The following FBXL18 variants were observed in gnomAD, a reference collection of about 807,000 sequenced individuals.
FBXL18 encodes the protein F-box and leucine rich repeat protein 18.
FBXL18 carries 36 observed loss-of-function variants against 46.0 expected under a neutral mutation model. The observed-to-expected ratio is 0.78, with a 90% CI of 0.60 to 1.03. The LOEUF is 1.03. FBXL18 is among the 50% of genes least tolerant of loss of function. The probability of loss-of-function intolerance (pLI) is 0.00; values close to 1 mark genes in which losing one functional copy is unlikely to be tolerated. For synonymous variants in FBXL18, 557 were observed against 465.3 expected, an observed-to-expected ratio of 1.20 and a Z score of -2.54; for missense variants, 977 against 1,004.1, an observed-to-expected ratio of 0.97 and a Z score of 0.36.
In FBXL18 at chr7:5,491,234, C is replaced by T. The variant is rs372910000; in HGVS notation, c.1997G>A (p.Arg666His). 5.0e-6 allele frequency: 8 copies of T among 1,609,962 alleles called. No individual in the cohort carries two copies. The highest frequency in any genetic ancestry group is 4.0e-5 in the African/African-American group (3 of 74,810). The change falls in exon 4 of 5, where the codon CGC becomes CAC. Residue 666 changes from arginine (R) to histidine (H), a missense_variant. By Grantham distance (29) the Arg-to-His change is conservative. Transcript: ENST00000382368. ...TCKSLQQSLLRSFQAERPALN... is the reference protein window; with the variant it reads ...TCKSLQQSLLHSFQAERPALN... ...GTACGCAACCCACATCACTCACCTG[C>T]GGAGAAGCGACTGCTGCAGGCTCTT...
chr7:5,504,629 T>C (rs1784347242), intron 2 of FBXL18, among the ~76,000 whole-genome samples: 1 of 138,154 alleles, frequency 7.2e-6, no homozygotes, highest in Non-Finnish European at 1.6e-5. Context: ...TAAGATTCAT[T>C]ACCAGGCCGG....
chr7:5,470,071 A>G (rs1416627223), intron 4 of FBXL18, among the ~76,000 whole-genome samples: 1 of 152,074 alleles, frequency 6.6e-6, no homozygotes, highest in Non-Finnish European at 1.5e-5. Context: ...TGCGTGTGCC[A>G]GTCTGCGGGC....
At chr7:5,484,069 C>G (rs1783713154) in intron 4 of FBXL18, among the ~76,000 whole-genome samples, 1 of 152,156 alleles carries the variant, frequency 6.6e-6, no homozygotes, top group Admixed American at 6.5e-5. Context: ...CCGTGAACAC[C>G]ACGGGTCATG....
downstream of FBXL18, among the ~76,000 whole-genome samples, chr7:5,472,187 G>A (rs1783437347): frequency 6.6e-6 from 1 of 151,964 alleles, no homozygotes; most frequent in African/African-American, 2.4e-5. Context: ...TACACCCCCA[G>A]CACGCCCCTC....
chr7:5,507,599 G>T (rs1784423402), intron 1 of FBXL18, among the ~76,000 whole-genome samples: 1 of 152,134 alleles, frequency 6.6e-6, no homozygotes, highest in Non-Finnish European at 1.5e-5. Flanking sequence ...AGTTTGGGAG[G>T]CCGAGGCGGG....
At chr7:5,500,297 G>A (rs528284601) in intron 3 of FBXL18, among the ~76,000 whole-genome samples, 191 bp downstream of exon 3, 11 of 152,008 alleles carry the variant, frequency 7.2e-5, no homozygotes, top group African/African-American at 2.7e-4. Context: ...TCAGACATCC[G>A]CCTCCTGCAC....
In FBXL18 at chr7:5,497,201, A is replaced by T. The variant is rs183076065; in HGVS notation, c.1781+3287T>A. Among the ~76,000 whole-genome samples the T allele has an allele frequency of 3.4e-3, 494 of 146,780 alleles. 6 individuals carry two copies. Among genetic ancestry groups the T allele is most frequent in the African/African-American group, 1.0e-2 (403 of 40,314 alleles). On this transcript the variant is annotated intron_variant, in intron 3 of 4. Coordinates refer to ENST00000382368, the MANE Select transcript of FBXL18 (RefSeq NM_024963.6). The stretch of plus-strand genomic sequence containing the variant: ...TGGGAGACAGAATGAGACCATTTTT[A>T]AAAAAAAAAAGTGGGAAAGCCCAAA...
chr7:5,481,717 T>A lies in FBXL18; in HGVS notation c.*58A>T, dbSNP rs569402291. 1.3e-6 allele frequency: 2 copies of A among 1,585,910 alleles called. No homozygotes were observed. The highest frequency in any genetic ancestry group is 2.2e-5 in the East Asian group (1 of 44,694). ...TGTGACAAACCAAGGGTCCCTGGCGTCCCAGGCTCCTGCAGCTTCTCGAGG... is the reference window on the plus strand; with the variant it reads ...TGTGACAAACCAAGGGTCCCTGGCGACCCAGGCTCCTGCAGCTTCTCGAGG... On this transcript the variant is annotated 3_prime_UTR_variant, in exon 5 of 5. Coordinates refer to ENST00000382368, the MANE Select transcript of FBXL18 (RefSeq NM_024963.6).
chr7:5,506,321 T>G (rs1266031933), intron 1 of FBXL18, among the ~76,000 whole-genome samples: 1 of 151,500 alleles, frequency 6.6e-6, no homozygotes, highest in African/African-American at 2.4e-5. Flanking sequence ...CAATCTCGGT[T>G]CACTGCAACC....
intron 4 of FBXL18, among the ~76,000 whole-genome samples, chr7:5,470,467 A>C (rs531421402): frequency 1.7e-3 from 256 of 152,210 alleles, no homozygotes; most frequent in African/African-American, 6.0e-3. Context: ...AGCTGCCACG[A>C]AACCCGAGAG....
chr7:5,467,008 G>A (rs1783350385), intron 4 of FBXL18, among the ~76,000 whole-genome samples: 1 of 152,096 alleles, frequency 6.6e-6, no homozygotes, highest in African/African-American at 2.4e-5. Context: ...CCTGACGTCA[G>A]GAGTTCAAGA....
rs1358012691 is a variant in FBXL18 at position 5,491,404 on chromosome 7, C to T, written c.1827G>A (p.Ala609=). ...YFSANAQFFQ[A]LSQCPSLQRL... ...GCTGCAGCGAGGGGCACTGGCTCAGCGCCTGGAAGAACTGGGCGTTGGCGC... is the reference window on the plus strand; with the variant it reads ...GCTGCAGCGAGGGGCACTGGCTCAGTGCCTGGAAGAACTGGGCGTTGGCGC... The change falls in exon 4 of 5, where the codon GCG becomes GCA. Residue 609 remains alanine, a synonymous_variant. Coordinates refer to ENST00000382368, the MANE Select transcript of FBXL18 (RefSeq NM_024963.6). 15 of 1,603,856 alleles carry T rather than the reference C, an allele frequency of 9.4e-6. No homozygotes were observed. Among genetic ancestry groups the T allele is most frequent in the Admixed American group, 1.7e-5 (1 of 58,126 alleles).
At chr7:5,471,909 T>C (rs1191015952), downstream of FBXL18, among the ~76,000 whole-genome samples, 3 of 152,194 alleles carry the variant, frequency 2.0e-5, no homozygotes, top group East Asian at 5.8e-4. Context: ...GCCCAGGAGT[T>C]TGAGACCAGC....
chr7:5,454,919 T>A (rs1783151567), intron 4 of FBXL18, among the ~76,000 whole-genome samples: 1 of 152,166 alleles, frequency 6.6e-6, no homozygotes, highest in South Asian at 2.1e-4. Context: ...TGTTTGGGAT[T>A]TTCTATCTCT....
rs571020877 is a variant in FBXL18 at position 5,477,454 on chromosome 7, G to C, written c.*4321C>G. On this transcript the variant is annotated 3_prime_UTR_variant, in exon 5 of 5. Coordinates refer to ENST00000382368, the MANE Select transcript of FBXL18 (RefSeq NM_024963.6). This position sits in a 1 kb window ranked among gnomAD's most constrained non-coding sequence, Gnocchi z 4.4. ...ACGGTGGCTCACACCTGTTATCCTAGCACTTTGGGAGGCCGAGGCAGGAGA... is the reference window on the plus strand; with the variant it reads ...ACGGTGGCTCACACCTGTTATCCTACCACTTTGGGAGGCCGAGGCAGGAGA... 9.2e-5 allele frequency among the ~76,000 whole-genome samples: 14 copies of C among 152,268 alleles called. No homozygotes were observed. In the East Asian group the frequency reaches 2.1e-3, roughly 23 times the overall value.
intron 3 of FBXL18, among the ~76,000 whole-genome samples, chr7:5,497,135 G>T (rs927454744): frequency 6.6e-6 from 1 of 151,712 alleles, no homozygotes; most frequent in Non-Finnish European, 1.5e-5. Context: ...AGAGAAGGTC[G>T]AGGCTGCAGT....
At chr7:5,464,480 GAAAAT>G (rs955298535) in intron 4 of FBXL18, among the ~76,000 whole-genome samples, 7 of 151,218 alleles carry the variant, frequency 4.6e-5, no homozygotes, top group Non-Finnish European at 8.8e-5. Flanking sequence ...ACTCCATCTC[GAAAAT>G]AAAATAAAAT....
In FBXL18 at chr7:5,501,883, C is replaced by A; in HGVS notation, c.386G>T (p.Cys129Phe). 1 of 1,602,518 alleles carries A rather than the reference C, an allele frequency of 6.2e-7. No individual in the cohort carries two copies. The highest frequency in any genetic ancestry group is 2.2e-5 in the East Asian group (1 of 44,456). ...GGAGAGGCGCAGGGAAGTGAGGTGGCAGCCCGAGAGGTTCACCTTCACCAG... is the reference window on the plus strand; with the variant it reads ...GGAGAGGCGCAGGGAAGTGAGGTGGAAGCCCGAGAGGTTCACCTTCACCAG... ...RSLVKVNLSGCHLTSLRLSKM... is the reference protein window; with the variant it reads ...RSLVKVNLSGFHLTSLRLSKM... The change falls in exon 3 of 5, where the codon TGC becomes TTC. Residue 129 changes from cysteine to phenylalanine, a missense_variant. Physicochemically the swap from Cys to Phe is radical, Grantham distance 205 (BLOSUM62 -2). Coordinates refer to ENST00000382368, the MANE Select transcript of FBXL18 (RefSeq NM_024963.6).
chr7:5,466,870 G>C (rs1366108221), intron 4 of FBXL18, among the ~76,000 whole-genome samples: 1 of 152,130 alleles, frequency 6.6e-6, no homozygotes, highest in Non-Finnish European at 1.5e-5. Flanking sequence ...CCCATCTCGG[G>C]ACACAAAAGC....
Sources: gnomAD v4.1 joint callset for allele counts (sites outside exome capture counted in the v4.1 genomes callset) on GRCh38, gnomAD v4.1.1 for gene constraint, Gnocchi (gnomAD v3.1) non-coding constraint, MANE v1.5 for transcripts, NCBI Gene and HGNC (gene_info 2026-07-23, HGNC 2026-07-21) for gene names.